The following ZNF738 variants were observed in gnomAD, a reference collection of about 807,000 sequenced individuals.
ZNF738 encodes the protein protein ZNF738.
In ZNF738, 10 loss-of-function variants were observed where a neutral mutation model predicts 9.2. That is an observed-to-expected ratio of 1.09 (90% CI 0.67 to 1.85). The LOEUF (loss-of-function observed/expected upper bound fraction) is 1.85. Ranked by LOEUF, ZNF738 falls within the 40% of genes most tolerant of loss-of-function variation. The pLI is 0.00. For missense variants in ZNF738, 346 were observed against 283.6 expected (o/e 1.22, Z -1.58); for synonymous variants, 113 against 94.5 (o/e 1.20, Z -1.14).
chr19:21,365,975 G>A (rs1973771582), intron 2 of ZNF738, among the ~76,000 whole-genome samples: 1 of 150,240 alleles, frequency 6.7e-6, no homozygotes, highest in Non-Finnish European at 1.5e-5. Context: ...AAAAGAATAG[G>A]AAACATCCAG....
At chr19:21,378,128 G>A (rs1599718675) in intron 4 of ZNF738, 3 of 394,662 alleles carry the variant, frequency 7.6e-6, no homozygotes, top group East Asian at 3.6e-5. Flanking sequence ...CATTACATAT[G>A]TTCTCAGATT....
chr19:21,369,102 A>C (rs1973824468), intron 2 of ZNF738, among the ~76,000 whole-genome samples: 1 of 151,780 alleles, frequency 6.6e-6, no homozygotes, highest in African/African-American at 2.4e-5. Context: ...TTTTGATTAA[A>C]TCTTTATTTT....
rs1332044314 is a variant in ZNF738, at chr19:21,384,164, C to T, written c.*490C>T. 3 of 1,451,092 alleles carry T rather than the reference C, an allele frequency of 2.1e-6. No homozygotes were observed. The highest frequency in any genetic ancestry group is 2.3e-5 in the South Asian group (2 of 87,762). 89.9% of individuals were successfully genotyped at this position (1,451,092 alleles called of 1,614,324 possible). A position where few individuals can be genotyped will look rare whatever the true frequency, so the allele number is the denominator to read the frequency against. ...TGATTCATACTGTAGAGAAACGCTACAAATGTGAGGAATGTGGCAAAGCTT... is the reference window on the plus strand; with the variant it reads ...TGATTCATACTGTAGAGAAACGCTATAAATGTGAGGAATGTGGCAAAGCTT... On this transcript the variant is annotated 3_prime_UTR_variant, in exon 5 of 5. Transcript: ENST00000683779.
chr19:21,359,238 A>C lies in ZNF738; in HGVS notation c.3+95A>C, dbSNP rs545699262. 3.4e-6 allele frequency: 3 copies of C among 870,574 alleles called. No homozygotes were observed. In the East Asian group the frequency reaches 7.2e-5, roughly 21 times the overall value. 53.9% of individuals were successfully genotyped at this position (870,574 alleles called of 1,614,324 possible). A position where few individuals can be genotyped will look rare whatever the true frequency, so the allele number is the denominator to read the frequency against. On this transcript the variant is annotated intron_variant, in intron 1 of 4. Transcript: ENST00000683779. ...GCGAGACTCAGGCCTCCCCGCAGTC[A>C]GCTCTACAATCTGCGCCCCGAGTTC...
In ZNF738 at chr19:21,375,925, T is replaced by G. The variant is rs551927732; in HGVS notation, c.280T>G (p.Trp94Gly). 2 of 797,424 alleles carry G rather than the reference T, an allele frequency of 2.5e-6. No individual in the cohort carries two copies. Among genetic ancestry groups the G allele is most frequent in the Admixed American group, 3.4e-5 (2 of 58,282 alleles). The allele number at this position is 797,424 out of a possible 1,614,324, so 49.4% of individuals were successfully genotyped here. The change falls in exon 4 of 5, where the codon TGG (tryptophan) becomes GGG (glycine). Residue 94 changes from tryptophan to glycine, a missense_variant. By Grantham distance (184) the Trp-to-Gly change is radical. Coordinates refer to ENST00000683779, the MANE Select transcript of ZNF738 (RefSeq NM_001355237.2). ...ITCLEQGKDP[W>G]NMKRHSMVAT... ...CTGTCTGGAGCAAGGAAAAGATCCC[T>G]GGAATATGAAGAGACACAGTATGGT...
chr19:21,377,512 G>GCACACACA (rs112058265), intron 4 of ZNF738: 22 of 547,112 alleles, frequency 4.0e-5, no homozygotes, highest in South Asian at 1.8e-4. Context: ...ACACAGACGT[G>GCACACACA]CACACACACA....
At chr19:21,377,511 T>TACAC in intron 4 of ZNF738, 3 of 627,118 alleles carry the variant, frequency 4.8e-6, no homozygotes, top group East Asian at 2.8e-5. Flanking sequence ...CACACAGACG[T>TACAC]GCACACACAC....
chr19:21,378,606 CTTTTTTT>C, intron 4 of ZNF738: 17 of 263,300 alleles, frequency 6.5e-5, no homozygotes, highest in East Asian at 2.8e-4. Context: ...AATAATATCA[CTTTTTTT>C]TTTTTTTTTT....
intron 1 of ZNF738, among the ~76,000 whole-genome samples, chr19:21,359,514 T>C (rs1973654297): frequency 6.6e-6 from 1 of 152,148 alleles, no homozygotes; most frequent in Non-Finnish European, 1.5e-5. Flanking sequence ...TCCGTGGGGT[T>C]CCCAGTTCCT....
In ZNF738 at chr19:21,386,311, C is replaced by A; in HGVS notation, c.*2637C>A. The A allele has an allele frequency of 1.0e-5, 3 of 293,682 alleles. No individual in the cohort carries two copies. The South Asian group carries it at 1.1e-4, about 11-fold the overall frequency. The allele number at this position is 293,682 out of a possible 1,614,324, so 18.2% of individuals were successfully genotyped here. On this transcript the variant is annotated 3_prime_UTR_variant, in exon 5 of 5. Coordinates refer to ENST00000683779, the MANE Select transcript of ZNF738 (RefSeq NM_001355237.2). ...TAACTAATCCTCAACCCTTACTACA[C>A]ATAAGATAATTAATGCTGGAGGGAA...
In ZNF738 at chr19:21,385,468, T is replaced by A. The variant is rs866412037; in HGVS notation, c.*1794T>A. Among the ~76,000 whole-genome samples, 24 of 149,008 alleles carry A rather than the reference T, an allele frequency of 1.6e-4. No individual in the cohort carries two copies. Among genetic ancestry groups the A allele is most frequent in the Middle Eastern group, 6.9e-3 (2 of 290 alleles). ...GAGACTCTATCTCCAAAAAAATAAATAAATAAATAAAAAAAATAAGAGAGT... is the reference window on the plus strand; with the variant it reads ...GAGACTCTATCTCCAAAAAAATAAAAAAATAAATAAAAAAAATAAGAGAGT... On this transcript the variant is annotated 3_prime_UTR_variant, in exon 5 of 5. Transcript: ENST00000683779.
At position 21,388,347 on chromosome 19, in the gene ZNF738, T is replaced by A. The variant is rs1177272120; in HGVS notation, c.*4673T>A. Among the ~76,000 whole-genome samples the A allele has an allele frequency of 6.6e-6, 1 of 152,164 alleles. No homozygotes were observed. Among genetic ancestry groups the A allele is most frequent in the African/African-American group, 2.4e-5 (1 of 41,450 alleles). On this transcript the variant is annotated 3_prime_UTR_variant, in exon 5 of 5. Coordinates refer to ENST00000683779, the MANE Select transcript of ZNF738 (RefSeq NM_001355237.2). ...CAAAGGTATGAGAGATTCTTTTCCATTAGGTGGGCATTTATGATCTTTTCT... is the reference window on the plus strand; with the variant it reads ...CAAAGGTATGAGAGATTCTTTTCCAATAGGTGGGCATTTATGATCTTTTCT...
chr19:21,361,897 C>A (rs1434944259), intron 2 of ZNF738, 39 bp downstream of exon 2: 3 of 750,738 alleles, frequency 4.0e-6, no homozygotes, highest in South Asian at 1.4e-5. Flanking sequence ...TTGGGACCAG[C>A]TTGAAAAACA....
intron 2 of ZNF738, among the ~76,000 whole-genome samples, chr19:21,373,589 T>C (rs1823611603): frequency 6.6e-6 from 1 of 152,210 alleles, no homozygotes; most frequent in Non-Finnish European, 1.5e-5. Flanking sequence ...GAATCTCTGC[T>C]GTTATAAAGG....
intron 2 of ZNF738, among the ~76,000 whole-genome samples, chr19:21,364,214 T>TAAAAAAG (rs1973743778): frequency 4.9e-5 from 3 of 61,794 alleles, no homozygotes; most frequent in Non-Finnish European, 1.1e-4. Flanking sequence ...AAAAAAGAAT[T>TAAAAAAG]CAAAAAGAGC....
chr19:21,386,830 C>G lies in ZNF738; in HGVS notation c.*3156C>G, dbSNP rs540290953. On this transcript the variant is annotated 3_prime_UTR_variant, in exon 5 of 5. Transcript: ENST00000683779. ...GGTTTAAGCAATTCTGCCTCAGCCT[C>G]CCGAGTAGCTGGGATTACAGGCATG... The G allele has an allele frequency of 6.5e-5, 11 of 169,008 alleles. No individual in the cohort carries two copies. The highest frequency in any genetic ancestry group is 5.2e-4 in the Admixed American group (9 of 17,162). The allele number at this position is 169,008 out of a possible 1,614,324, so 10.5% of individuals were successfully genotyped here. A position where few individuals can be genotyped will look rare whatever the true frequency, so the allele number is the denominator to read the frequency against.
intron 4 of ZNF738, among the ~76,000 whole-genome samples, chr19:21,382,449 G>C (rs1599720624): frequency 6.6e-6 from 1 of 151,934 alleles, no homozygotes; most frequent in Non-Finnish European, 1.5e-5. Context: ...GTGTTGGCCA[G>C]GATGGTCTCA....
At chr19:21,377,988 T>A (rs1448314173) in intron 4 of ZNF738, 1 of 396,964 alleles carries the variant, frequency 2.5e-6, no homozygotes, top group East Asian at 3.6e-5. Context: ...ACTTCTTTCT[T>A]ATGTTGTTTT....
rs558760322 is a variant in ZNF738, at chr19:21,385,354, G to T, written c.*1680G>T. ...ACCTGTAGTCCCAGCTACTCTGGAG[G>T]CCTAGGTGGGAGAATCGCTTGAACC... On this transcript the variant is annotated 3_prime_UTR_variant, in exon 5 of 5. Coordinates refer to ENST00000683779, the MANE Select transcript of ZNF738 (RefSeq NM_001355237.2). Among the ~76,000 whole-genome samples the T allele has an allele frequency of 1.9e-4, 29 of 152,260 alleles. No homozygotes were observed. In the East Asian group the frequency reaches 2.9e-3, roughly 15 times the overall value.
Sources: allele counts gnomAD v4.1 joint callset (sites outside exome capture counted in the v4.1 genomes callset), GRCh38; gene constraint gnomAD v4.1.1; transcripts MANE v1.5; gene names NCBI Gene and HGNC (gene_info 2026-07-23, HGNC 2026-07-21).